Variants in PTPRT observed in about 807,000 individuals in gnomAD.
PTPRT encodes the protein protein tyrosine phosphatase receptor type T.
In PTPRT, 56 loss-of-function variants were observed where a neutral mutation model predicts 176.8. The ratio of observed to expected loss-of-function variants is 0.32; its 90% CI spans 0.26 to 0.40. The LOEUF (loss-of-function observed/expected upper bound fraction) is 0.40, where lower values mean the gene tolerates loss of function less well. Ranked by LOEUF, PTPRT falls within the 10% of genes least tolerant of loss-of-function variation. The pLI is 1.00. For missense variants in PTPRT, 1,540 were observed against 1,908.2 expected (o/e 0.81, Z 3.60); for synonymous variants, 783 against 739.0 (o/e 1.06, Z -0.96).
At chr20:42,448,384 C>T (rs1251485667) in intron 8 of PTPRT, 55 bp from the exon 9 acceptor site, 8 of 1,360,164 alleles carry the variant, frequency 5.9e-6, no homozygotes, top group East Asian at 4.6e-5. Flanking sequence ...ATTTCTCCAG[C>T]CCCGCTGACC....
chr20:42,739,565 G>C (rs550623065), intron 6 of PTPRT, among the ~76,000 whole-genome samples: 6 of 152,150 alleles, frequency 3.9e-5, no homozygotes, highest in African/African-American at 1.2e-4. Flanking sequence ...ATGGGGAAGT[G>C]TTAGACAGGA....
At chr20:42,315,674 G>C in intron 12 of PTPRT, 49 bp downstream of exon 12, 1 of 1,584,230 alleles carries the variant, frequency 6.3e-7, no homozygotes, top group African/African-American at 1.3e-5. Flanking sequence ...ATTTGAGAAT[G>C]AAAAAATGCA....
chr20:42,808,124 G>A (rs575774161), intron 2 of PTPRT, among the ~76,000 whole-genome samples: 21 of 152,216 alleles, frequency 1.4e-4, no homozygotes, highest in Non-Finnish European at 2.6e-4. Flanking sequence ...ACTCGGACGG[G>A]CCATTTTAGC....
At chr20:42,107,494 T>A (rs1430122038) in intron 23 of PTPRT, among the ~76,000 whole-genome samples, 3 of 152,260 alleles carry the variant, frequency 2.0e-5, no homozygotes, top group African/African-American at 7.2e-5. Flanking sequence ...TGATACATAC[T>A]TACTTGATTT....
At chr20:42,389,639 G>A (rs2058780275) in intron 9 of PTPRT, among the ~76,000 whole-genome samples, 2 of 152,060 alleles carry the variant, frequency 1.3e-5, no homozygotes, top group Non-Finnish European at 2.9e-5. Flanking sequence ...TCTTGCTTGA[G>A]TCTAGGAGTT....
At chr20:42,225,578 GA>G (rs937835159) in intron 15 of PTPRT, among the ~76,000 whole-genome samples, 5 of 152,042 alleles carry the variant, frequency 3.3e-5, no homozygotes, top group East Asian at 1.9e-4. Context: ...ATTAAGTTAT[GA>G]AAAAAAGTGT....
At chr20:42,280,011 T>C (rs1441999217) in intron 13 of PTPRT, among the ~76,000 whole-genome samples, 3 of 152,058 alleles carry the variant, frequency 2.0e-5, no homozygotes, top group Non-Finnish European at 4.4e-5. Context: ...TGGTGACCCA[T>C]CTCTGGGACT....
intron 1 of PTPRT, among the ~76,000 whole-genome samples, chr20:43,090,650 G>A (rs2011804331): frequency 1.3e-5 from 2 of 151,848 alleles, no homozygotes; most frequent in South Asian, 2.1e-4. Context: ...TAAAATGAAC[G>A]CCAAAGGAAA....
intron 9 of PTPRT, among the ~76,000 whole-genome samples, chr20:42,390,645 G>A (rs577502986): frequency 6.6e-6 from 1 of 152,298 alleles, no homozygotes; most frequent in Non-Finnish European, 1.5e-5. Flanking sequence ...TCTGACAATA[G>A]CTGTGTGAGT....
Position 42,079,330 on chromosome 20 carries a change from C to A in PTPRT, c.*1549G>T. 1 of 205,300 alleles carries A rather than the reference C, an allele frequency of 4.9e-6. No homozygotes were observed. The highest frequency in any genetic ancestry group is 1.0e-5 in the Non-Finnish European group (1 of 100,320). The allele number at this position is 205,300 out of a possible 1,614,324, so 12.7% of individuals were successfully genotyped here. On this transcript the variant is annotated 3_prime_UTR_variant, in exon 31 of 31. Transcript: ENST00000373187. ...GAAGTTTCTGGCCTTATTTTCCCTC[C>A]ATAAAATAATTGCTTGGCTTAGAGA...
chr20:42,260,750 G>T (rs565772583), intron 13 of PTPRT, among the ~76,000 whole-genome samples: 10 of 152,238 alleles, frequency 6.6e-5, no homozygotes, highest in Non-Finnish European at 1.2e-4. Flanking sequence ...CAAAGCCCAG[G>T]CCAGGGCATG....
At chr20:42,055,390 C>T in the PTPRT span, among the ~76,000 whole-genome samples, 3 of 152,172 alleles carry the variant, frequency 2.0e-5, no homozygotes, top group East Asian at 1.9e-4. Flanking sequence ...ATGGATATTA[C>T]GGAGACTCAA....
At chr20:42,615,711 GT>G (rs2074061447) in intron 7 of PTPRT, among the ~76,000 whole-genome samples, 1 of 123,864 alleles carries the variant, frequency 8.1e-6, no homozygotes, top group Admixed American at 7.5e-5. Context: ...TTTTTCATGT[GT>G]TTTTTGGCTG....
chr20:42,355,592 A>T (rs1447278875), intron 9 of PTPRT, among the ~76,000 whole-genome samples: 1 of 152,204 alleles, frequency 6.6e-6, no homozygotes, highest in Non-Finnish European at 1.5e-5. Flanking sequence ...GAGCCACTGC[A>T]GAGCAGTGAG....
At chr20:42,800,025 A>C (rs932070126) in intron 2 of PTPRT, among the ~76,000 whole-genome samples, 1 of 152,250 alleles carries the variant, frequency 6.6e-6, no homozygotes, top group South Asian at 2.1e-4. Context: ...ATGAGAATTT[A>C]TTTATCTTCT....
At chr20:43,176,926 T>C (rs1332454721) in intron 1 of PTPRT, among the ~76,000 whole-genome samples, 1 of 152,222 alleles carries the variant, frequency 6.6e-6, no homozygotes, top group Non-Finnish European at 1.5e-5. Context: ...ACCTCATTAG[T>C]AAACCATGAG....
chr20:42,116,418 A>G (rs1157282040), intron 21 of PTPRT, among the ~76,000 whole-genome samples: 1 of 152,156 alleles, frequency 6.6e-6, no homozygotes, highest in African/African-American at 2.4e-5. Context: ...AAATGGATTC[A>G]TTGTTTGGTC....
At chr20:42,597,726 G>T (rs2073697452) in intron 7 of PTPRT, among the ~76,000 whole-genome samples, 1 of 152,126 alleles carries the variant, frequency 6.6e-6, no homozygotes, top group South Asian at 2.1e-4. Flanking sequence ...GAACAGTGAG[G>T]CAATCGAACC....
chr20:42,742,046 G>C (rs765206155), intron 6 of PTPRT, among the ~76,000 whole-genome samples: 1 of 152,214 alleles, frequency 6.6e-6, no homozygotes, highest in Non-Finnish European at 1.5e-5. Context: ...AGCTCACAGA[G>C]GTGAGTCATA....
Sources: allele counts gnomAD v4.1 joint callset (sites outside exome capture counted in the v4.1 genomes callset), GRCh38; gene constraint gnomAD v4.1.1; transcripts MANE v1.5; gene names NCBI Gene and HGNC (gene_info 2026-07-23, HGNC 2026-07-21).